The following IGFL4 variants were observed in gnomAD, a reference collection of about 807,000 sequenced individuals.
IGFL4 encodes IGF like family member 4, also known as insulin growth factor-like family member 4.
IGFL4 carries 12 observed loss-of-function variants against 15.4 expected under a neutral mutation model. The observed-to-expected ratio is 0.78, with a 90% CI of 0.50 to 1.26. The LOEUF (loss-of-function observed/expected upper bound fraction) is 1.26. IGFL4 is among the 50% of genes most tolerant of loss of function. The pLI is 0.00. For missense variants in IGFL4, 126 were observed against 147.8 expected, an observed-to-expected ratio of 0.85 and a Z score of 0.76; for synonymous variants, 54 against 55.9, an observed-to-expected ratio of 0.97 and a Z score of 0.16.
intron 1 of IGFL4, among the ~76,000 whole-genome samples, chr19:46,061,930 T>C (rs1969449144): frequency 1.3e-5 from 2 of 152,198 alleles, no homozygotes; most frequent in Non-Finnish European, 2.9e-5. Context: ...TAATGCAAAG[T>C]AATTTCTGAT....
At chr19:46,042,115 T>C (rs1969251543), upstream of IGFL4, among the ~76,000 whole-genome samples, 1 of 18,198 alleles carries the variant, frequency 5.5e-5, no homozygotes, top group South Asian at 4.0e-3. Context: ...ATTTTGTTGT[T>C]GTTGTGCTTA....
intron 2 of IGFL4, among the ~76,000 whole-genome samples, chr19:46,053,081 T>C (rs1433097727): frequency 6.6e-6 from 1 of 152,044 alleles, no homozygotes; most frequent in African/African-American, 2.4e-5. Context: ...TCTGTATAAT[T>C]GGGGATAGGC....
chr19:46,077,413 G>A (rs1969618165), upstream of IGFL4, among the ~76,000 whole-genome samples: 1 of 152,184 alleles, frequency 6.6e-6, no homozygotes, highest in Non-Finnish European at 1.5e-5. This position sits in a 1 kb window ranked among gnomAD's most constrained non-coding sequence, Gnocchi z 5.4. Context: ...TTTCACCACA[G>A]GGAACTTGGA....
At chr19:46,055,514 T>C (rs572759742) in intron 2 of IGFL4, among the ~76,000 whole-genome samples, 13 of 152,212 alleles carry the variant, frequency 8.5e-5, no homozygotes, top group Non-Finnish European at 1.6e-4. Context: ...CCATTCAACA[T>C]TGTGGCCACA....
chr19:46,064,281 A>C (rs1252094206), intron 1 of IGFL4, among the ~76,000 whole-genome samples: 1 of 152,198 alleles, frequency 6.6e-6, no homozygotes, highest in African/African-American at 2.4e-5. Flanking sequence ...CATCTCCTCA[A>C]GCATTTATCC....
intron 2 of IGFL4, among the ~76,000 whole-genome samples, chr19:46,047,923 C>T (rs934489443): frequency 3.9e-5 from 6 of 152,110 alleles, no homozygotes; most frequent in Non-Finnish European, 8.8e-5. Flanking sequence ...TCCTATGAGC[C>T]CAGCATCATC....
intron 2 of IGFL4, among the ~76,000 whole-genome samples, chr19:46,046,984 A>T (rs1568711252): frequency 6.6e-6 from 1 of 152,252 alleles, no homozygotes; most frequent in Non-Finnish European, 1.5e-5. Flanking sequence ...TCACTCTAAA[A>T]TTGATCACAA....
chr19:46,055,965 C>T (rs1397143237), intron 2 of IGFL4, among the ~76,000 whole-genome samples: 3 of 152,074 alleles, frequency 2.0e-5, no homozygotes, highest in Admixed American at 2.0e-4. Flanking sequence ...TTAGTAGAGA[C>T]AGGGTTTCAC....
intron 1 of IGFL4, among the ~76,000 whole-genome samples, chr19:46,074,502 T>C (rs985559298): frequency 2.0e-5 from 3 of 152,142 alleles, no homozygotes; most frequent in Middle Eastern, 3.4e-3. Flanking sequence ...GGTCCCACAA[T>C]AGGCTGTTTG....
At chr19:46,069,795 AC>A (rs1160682448) in intron 1 of IGFL4, among the ~76,000 whole-genome samples, 2 of 152,246 alleles carry the variant, frequency 1.3e-5, no homozygotes, top group African/African-American at 4.8e-5. Flanking sequence ...TGTTTAGTCA[AC>A]AGCAATAGAT....
At chr19:46,053,107 G>T (rs1244497086) in intron 2 of IGFL4, among the ~76,000 whole-genome samples, 3 of 152,056 alleles carry the variant, frequency 2.0e-5, no homozygotes, top group Admixed American at 2.0e-4. Context: ...GTATAATTGG[G>T]GTTGGCTAAT....
In IGFL4 at chr19:46,070,623, G is replaced by A. The variant is rs1056812473; in HGVS notation, c.-432+6397C>T. ...CGCCCAATCCCCTCTTAGGTGAAAAGTGATGACCATACAGATATTTAAAGG... is the reference window on the plus strand; with the variant it reads ...CGCCCAATCCCCTCTTAGGTGAAAAATGATGACCATACAGATATTTAAAGG... On this transcript the variant is annotated intron_variant, in intron 1 of 5. Coordinates refer to the IGFL4 transcript ENST00000601672. 2.6e-5 allele frequency among the ~76,000 whole-genome samples: 4 copies of A among 152,134 alleles called. No individual in the cohort carries two copies. In the East Asian group the frequency reaches 7.7e-4, roughly 29 times the overall value.
At chr19:46,048,844 C>T (rs914465873) in intron 2 of IGFL4, among the ~76,000 whole-genome samples, 1 of 152,144 alleles carries the variant, frequency 6.6e-6, no homozygotes, top group African/African-American at 2.4e-5. Context: ...CCATACTGCT[C>T]AAAGTAACTT....
chr19:46,061,266 C>T (rs1009113646), intron 1 of IGFL4, among the ~76,000 whole-genome samples: 13 of 152,324 alleles, frequency 8.5e-5, no homozygotes, highest in African/African-American at 2.4e-4. Flanking sequence ...CACTTTTTTA[C>T]ACACCTTGCA....
chr19:46,041,813 C>G (rs1254839627), upstream of IGFL4, among the ~76,000 whole-genome samples: 1 of 147,990 alleles, frequency 6.8e-6, no homozygotes, highest in Non-Finnish European at 1.5e-5. Flanking sequence ...TCTCTAGAGT[C>G]TCTTCCTCCT....
chr19:46,061,159 T>C (rs940560455), intron 1 of IGFL4, among the ~76,000 whole-genome samples: 2 of 152,220 alleles, frequency 1.3e-5, no homozygotes, highest in African/African-American at 4.8e-5. Flanking sequence ...AGCTTTATTC[T>C]ATCTTAAAAC....
rs369480716 is a variant in IGFL4, at chr19:46,039,901, G to T, written c.366C>A (p.Asp122Glu). 6.2e-7 allele frequency: 1 copy of T among 1,612,324 alleles called. No homozygotes were observed. Among genetic ancestry groups the T allele is most frequent in the Non-Finnish European group, 8.5e-7 (1 of 1,178,466 alleles). ...YHPKSPVSRSDLI is the reference protein window; with the variant it reads ...YHPKSPVSRSELI Reference sequence around the variant, plus strand: ...GCTACCCCAGAACAGTCTAGATGAGGTCAGATCTTGACACAGGGCTTTTTG... The same window carrying T: ...GCTACCCCAGAACAGTCTAGATGAGTTCAGATCTTGACACAGGGCTTTTTG... The change falls in exon 4 of 4, where the codon GAC becomes GAA. Residue 122 changes from aspartate to glutamate, a missense_variant. Asp to Glu is a conservative substitution (Grantham distance 45). Transcript: ENST00000377697.
chr19:46,058,010 A>G (rs1000796980), intron 2 of IGFL4: 2 of 151,924 alleles, frequency 1.3e-5, no homozygotes, highest in Admixed American at 6.6e-5. Context: ...AACCCCTCCC[A>G]AATTTCATGT....
At chr19:46,054,711 T>TA (rs1969377675) in intron 2 of IGFL4, among the ~76,000 whole-genome samples, 1 of 152,034 alleles carries the variant, frequency 6.6e-6, no homozygotes, top group South Asian at 2.1e-4. Flanking sequence ...ACCTAATACC[T>TA]AAAAAATTGA....
Sources: gnomAD v4.1 joint callset for allele counts (sites outside exome capture counted in the v4.1 genomes callset) on GRCh38, gnomAD v4.1.1 for gene constraint, Gnocchi (gnomAD v3.1) non-coding constraint, MANE v1.5 for transcripts, NCBI Gene and HGNC (gene_info 2026-07-23, HGNC 2026-07-21) for gene names.